FSTL5: variants seen among roughly 807,000 people sequenced by gnomAD.
FSTL5 encodes the protein follistatin-related protein 5.
Under a neutral mutation model 89.1 loss-of-function variants are expected in FSTL5, and 62 were observed. The observed-to-expected ratio is 0.70, with a 90% CI of 0.57 to 0.86. The LOEUF is 0.86. Ranked by LOEUF, FSTL5 falls within the 40% of genes least tolerant of loss-of-function variation. FSTL5 has a pLI of 0.00. For synonymous variants in FSTL5, 383 were observed against 346.2 expected, an observed-to-expected ratio of 1.11 and a Z score of -1.18; for missense variants, 1,057 against 1,001.6, an observed-to-expected ratio of 1.06 and a Z score of -0.75.
At chr4:161,789,743 T>C (rs373903922) in intron 4 of FSTL5, among the ~76,000 whole-genome samples, 1 of 152,170 alleles carries the variant, frequency 6.6e-6, no homozygotes, top group Non-Finnish European at 1.5e-5. Flanking sequence ...CATTCTTTTG[T>C]TTAAGAAAAG....
At chr4:162,144,655 G>C (rs1295972956) in intron 1 of FSTL5, among the ~76,000 whole-genome samples, 3 of 152,052 alleles carry the variant, frequency 2.0e-5, no homozygotes, top group African/African-American at 7.2e-5. Context: ...TTGAAAAATT[G>C]ATTAGACAAA....
chr4:161,481,830 G>C (rs1560916720), intron 12 of FSTL5, among the ~76,000 whole-genome samples: 1 of 152,156 alleles, frequency 6.6e-6, no homozygotes, highest in Non-Finnish European at 1.5e-5. Context: ...ATGAGGCCAA[G>C]AAAGCCCCTC....
rs1421381280 is a variant in FSTL5 at position 161,945,057 on chromosome 4, G to A, written c.161-24405C>T. 2.0e-5 allele frequency among the ~76,000 whole-genome samples: 3 copies of A among 151,956 alleles called. No homozygotes were observed. In the East Asian group the frequency reaches 5.8e-4, roughly 29 times the overall value. ...ATACAGTAAGTGTTTTATTATCTCA[G>A]GTAGTATACACTGGATGAATTAAAG... On this transcript the variant is annotated intron_variant, in intron 3 of 15. Coordinates refer to ENST00000306100, the MANE Select transcript of FSTL5 (RefSeq NM_020116.5).
At chr4:161,748,611 T>A in intron 6 of FSTL5, among the ~76,000 whole-genome samples, 1 of 127,884 alleles carries the variant, frequency 7.8e-6, no homozygotes, top group African/African-American at 3.8e-5. Context: ...AGCACGTTTT[T>A]TTTTTTTTTT....
intron 2 of FSTL5, among the ~76,000 whole-genome samples, chr4:162,045,488 T>C (rs1738135339): frequency 6.6e-6 from 1 of 152,066 alleles, no homozygotes; most frequent in Non-Finnish European, 1.5e-5. Flanking sequence ...CCCATAAATA[T>C]ATACAAATAT....
chr4:161,979,217 A>C (rs1735747626), intron 3 of FSTL5, among the ~76,000 whole-genome samples: 1 of 152,144 alleles, frequency 6.6e-6, no homozygotes, highest in Non-Finnish European at 1.5e-5. Context: ...TTTCACCATA[A>C]GAAGAATATG....
chr4:161,922,907 A>C (rs2110869954), intron 3 of FSTL5, among the ~76,000 whole-genome samples: 1 of 152,072 alleles, frequency 6.6e-6, no homozygotes, highest in East Asian at 1.9e-4. Context: ...CATTATGCTA[A>C]ATTAAATAAG....
intron 6 of FSTL5, among the ~76,000 whole-genome samples, chr4:161,758,342 G>T (rs558976085): frequency 1.6e-4 from 25 of 151,974 alleles, no homozygotes; most frequent in African/African-American, 6.0e-4. Context: ...AAAAAAAAAT[G>T]GAAATTTTGG....
intron 7 of FSTL5, among the ~76,000 whole-genome samples, chr4:161,644,027 A>C (rs1736054543): frequency 1.3e-5 from 2 of 152,192 alleles, no homozygotes. Context: ...CAGAGTTTGT[A>C]GTCCAGAGAA....
In FSTL5 at chr4:161,490,007, T is replaced by A. The variant is rs553526739; in HGVS notation, c.1459-8838A>T. Among the ~76,000 whole-genome samples the A allele has an allele frequency of 2.0e-5, 3 of 152,242 alleles. No homozygotes were observed. In the South Asian group the frequency reaches 6.2e-4, roughly 32 times the overall value. On this transcript the variant is annotated intron_variant, in intron 12 of 15. Coordinates refer to ENST00000306100, the MANE Select transcript of FSTL5 (RefSeq NM_020116.5). ...GGTATTTTTTATTTCAAAATCTGCA[T>A]TATATTTGCTTTATTCATATAAGTG... is the stretch of plus-strand genomic sequence containing the variant.
At chr4:161,704,163 C>A (rs774219587) in intron 6 of FSTL5, among the ~76,000 whole-genome samples, 1 of 152,204 alleles carries the variant, frequency 6.6e-6, no homozygotes, top group African/African-American at 2.4e-5. Flanking sequence ...TTTGGCGAGG[C>A]TAATCAGAAA....
At chr4:161,523,615 C>T (rs13135134) in intron 10 of FSTL5, among the ~76,000 whole-genome samples, 37,569 of 151,984 alleles carry the variant, frequency 0.25, 5,512 homozygotes, top group South Asian at 0.33. Flanking sequence ...TATTATTATC[C>T]AATACACGGA....
chr4:161,764,318 G>A (rs1371568186), intron 5 of FSTL5, among the ~76,000 whole-genome samples: 1 of 152,158 alleles, frequency 6.6e-6, no homozygotes, highest in Non-Finnish European at 1.5e-5. Flanking sequence ...GAATGCAGTG[G>A]TGCGATCTCG....
intron 3 of FSTL5, among the ~76,000 whole-genome samples, chr4:161,932,478 T>C (rs1041831736): frequency 5.9e-5 from 9 of 151,662 alleles, no homozygotes; most frequent in African/African-American, 9.7e-5. Flanking sequence ...AAACTAATTA[T>C]CCTGACAATA....
At chr4:161,786,929 C>T (rs1360659248) in intron 4 of FSTL5, among the ~76,000 whole-genome samples, 6 of 151,974 alleles carry the variant, frequency 3.9e-5, no homozygotes, top group African/African-American at 9.7e-5. Flanking sequence ...TTTTTTTATT[C>T]GCACACTTGC....
intron 7 of FSTL5, among the ~76,000 whole-genome samples, chr4:161,621,234 C>A (rs1735109233): frequency 6.6e-6 from 1 of 150,946 alleles, no homozygotes; most frequent in Admixed American, 6.6e-5. Flanking sequence ...TCTGAAAAGT[C>A]TCTAAATAGT....
At chr4:161,694,452 T>C (rs1053602078) in intron 6 of FSTL5, among the ~76,000 whole-genome samples, 8 of 150,620 alleles carry the variant, frequency 5.3e-5, no homozygotes, top group African/African-American at 1.9e-4. Flanking sequence ...GAATTTCTGT[T>C]TTTTTTATAA....
intron 7 of FSTL5, among the ~76,000 whole-genome samples, chr4:161,644,386 T>G (rs1299558685): frequency 6.6e-6 from 1 of 151,968 alleles, no homozygotes; most frequent in Admixed American, 6.6e-5. Flanking sequence ...ATTAGCTGGG[T>G]GTGGTGGCCC....
intron 2 of FSTL5, among the ~76,000 whole-genome samples, chr4:162,037,136 A>G (rs1737771219): frequency 6.6e-6 from 1 of 151,854 alleles, no homozygotes; most frequent in Non-Finnish European, 1.5e-5. Context: ...GATTAGGATA[A>G]AAAGAAGAGA....
Sources: gnomAD v4.1 joint callset for allele counts (sites outside exome capture counted in the v4.1 genomes callset) on GRCh38, gnomAD v4.1.1 for gene constraint, MANE v1.5 for transcripts, NCBI Gene and HGNC (gene_info 2026-07-23, HGNC 2026-07-21) for gene names.